Variants in RNF115 observed in about 807,000 individuals in gnomAD.
RNF115 encodes the protein E3 ubiquitin-protein ligase RNF115.
Under a neutral mutation model 39.2 loss-of-function variants are expected in RNF115, and 31 were observed. The observed-to-expected ratio is 0.79, with a 90% CI of 0.59 to 1.07. RNF115 has a LOEUF of 1.07. Ranked by LOEUF, RNF115 falls within the 50% of genes least tolerant of loss-of-function variation. The probability of loss-of-function intolerance (pLI) is 0.00; values close to 1 mark genes in which losing one functional copy is unlikely to be tolerated. For synonymous variants in RNF115, 124 were observed against 131.0 expected, an observed-to-expected ratio of 0.95 and a Z score of 0.37; for missense variants, 384 against 381.7, an observed-to-expected ratio of 1.01 and a Z score of -0.05.
chr1:145,767,119 GCTC>G (rs1168668394), intron 4 of RNF115, among the ~76,000 whole-genome samples: 2 of 150,264 alleles, frequency 1.3e-5, no homozygotes, highest in Non-Finnish European at 3.0e-5. Context: ...CGGCAGAGGG[GCTC>G]CTCACTTCTC....
At chr1:145,747,756 A>G (rs1657928708) in intron 8 of RNF115, among the ~76,000 whole-genome samples, 1 of 152,210 alleles carries the variant, frequency 6.6e-6, no homozygotes, top group African/African-American at 2.4e-5. Flanking sequence ...ACAATCTATA[A>G]CCAAATGAAC....
chr1:145,771,082 T>C (rs1161453434), intron 4 of RNF115, among the ~76,000 whole-genome samples: 1 of 152,240 alleles, frequency 6.6e-6, no homozygotes, highest in Non-Finnish European at 1.5e-5. Context: ...TTGATAAATA[T>C]ACTGCTATAG....
intron 1 of RNF115, among the ~76,000 whole-genome samples, chr1:145,806,790 G>A (rs1649485083): frequency 6.6e-6 from 1 of 152,202 alleles, no homozygotes; most frequent in African/African-American, 2.4e-5. Flanking sequence ...GCAGAGTAAT[G>A]AGCTAAGTAA....
intron 1 of RNF115, 62 bp downstream of exon 1, chr1:145,823,710 T>G (rs1378524167): frequency 1.2e-5 from 15 of 1,293,946 alleles, no homozygotes; most frequent in African/African-American, 1.5e-5. Context: ...CAGACCCAGT[T>G]CCGGGAAATC....
intron 2 of RNF115, among the ~76,000 whole-genome samples, chr1:145,785,549 A>T (rs1179301114): frequency 6.6e-6 from 1 of 152,210 alleles, no homozygotes; most frequent in East Asian, 1.9e-4. Flanking sequence ...GGAAGAGGGG[A>T]TGGAAAGAAT....
In RNF115 at chr1:145,746,784, T is replaced by A; in HGVS notation, c.*82A>T. The A allele has an allele frequency of 7.3e-7, 1 of 1,364,050 alleles. No individual in the cohort carries two copies. Among genetic ancestry groups the A allele is most frequent in the Non-Finnish European group, 1.0e-6 (1 of 984,406 alleles). 84.5% of individuals were successfully genotyped at this position (1,364,050 alleles called of 1,614,324 possible). On this transcript the variant is annotated 3_prime_UTR_variant, in exon 9 of 9. Transcript: ENST00000582693. ...AGTTTCTTACATATTCCTAAATCCA[T>A]CTACTAATTTTTTGTTTTGATACAA...
chr1:145,752,340 G>A (rs1658116727), intron 5 of RNF115, among the ~76,000 whole-genome samples: 1 of 152,046 alleles, frequency 6.6e-6, no homozygotes, highest in African/African-American at 2.4e-5. Context: ...GTAGTCTACT[G>A]GGGAAACCCA....
chr1:145,814,508 G>A (rs1252337773), intron 1 of RNF115, among the ~76,000 whole-genome samples: 1 of 151,358 alleles, frequency 6.6e-6, no homozygotes, highest in Non-Finnish European at 1.5e-5. Flanking sequence ...ACTTGAAACT[G>A]TAAGGCAGAG....
rs983855545 is a variant in RNF115, at chr1:145,788,896, C to T, written c.161+12G>A. ...ATAGAATGTCTGATTTATTCATGAG[C>T]TTGTACAATACCTGGAATCATCTGT... On this transcript the variant is annotated intron_variant, in intron 2 of 8. Transcript: ENST00000582693. 5 of 1,571,428 alleles carry T rather than the reference C, an allele frequency of 3.2e-6. No homozygotes were observed. In the African/African-American group the frequency reaches 6.7e-5, roughly 21 times the overall value.
At chr1:145,756,831 CTTTTTTT>C (rs142073195) in intron 4 of RNF115, among the ~76,000 whole-genome samples, 8 of 67,830 alleles carry the variant, frequency 1.2e-4, no homozygotes, top group South Asian at 5.4e-4. Flanking sequence ...TTTCTAGCTT[CTTTTTTT>C]TTTTTTTTTT....
Position 145,817,614 on chromosome 1 carries a change from G to T in RNF115, c.102+6158C>A, listed in dbSNP as rs1403402979. On this transcript the variant is annotated intron_variant, in intron 1 of 8. Coordinates refer to ENST00000582693, the MANE Select transcript of RNF115 (RefSeq NM_014455.4). ...TTTGTTTTCTACACATATTTTTTTT[G>T]ATTTTAGGTTTGGGGGCACATATGT... Among the ~76,000 whole-genome samples, 27 of 130,428 alleles carry T rather than the reference G, an allele frequency of 2.1e-4. 2 individuals are homozygous for T. The highest frequency in any genetic ancestry group is 4.3e-4 in the East Asian group (2 of 4,690). 85.6% of individuals were successfully genotyped at this position (130,428 alleles called of 152,430 possible). A position where few individuals can be genotyped will look rare whatever the true frequency, so the allele number is the denominator to read the frequency against.
Position 145,791,520 on chromosome 1 carries a change from A to C in RNF115, c.103-2554T>G, listed in dbSNP as rs1648666531. Among the ~76,000 whole-genome samples, 2 of 152,010 alleles carry C rather than the reference A, an allele frequency of 1.3e-5. 1 individual carries two copies. Among genetic ancestry groups the C allele is most frequent in the South Asian group, 4.1e-4 (2 of 4,822 alleles). On this transcript the variant is annotated intron_variant, in intron 1 of 8. Coordinates refer to ENST00000582693, the MANE Select transcript of RNF115 (RefSeq NM_014455.4). ...AGAGCGAAACTCCACCTCAAAAAAAAAAAAAAAGAGAAAGAGAGACATAAA... is the reference window on the plus strand; with the variant it reads ...AGAGCGAAACTCCACCTCAAAAAAACAAAAAAAGAGAAAGAGAGACATAAA...
At chr1:145,801,664 G>A (rs1284151950) in intron 1 of RNF115, among the ~76,000 whole-genome samples, 2 of 152,112 alleles carry the variant, frequency 1.3e-5, no homozygotes, top group Admixed American at 6.6e-5. Context: ...CTATTAATAC[G>A]TCAAGTCTTC....
chr1:145,746,775 C>T lies in RNF115; in HGVS notation c.*91G>A. 1 of 1,300,344 alleles carries T rather than the reference C, an allele frequency of 7.7e-7. No individual in the cohort carries two copies. Among genetic ancestry groups the T allele is most frequent in the Non-Finnish European group, 1.1e-6 (1 of 934,090 alleles). 80.6% of individuals were successfully genotyped at this position (1,300,344 alleles called of 1,614,324 possible). On this transcript the variant is annotated 3_prime_UTR_variant, in exon 9 of 9. Coordinates refer to ENST00000582693, the MANE Select transcript of RNF115 (RefSeq NM_014455.4). Reference sequence around the variant, plus strand: ...TATGTGTTGAGTTTCTTACATATTCCTAAATCCATCTACTAATTTTTTGTT... The same window carrying T: ...TATGTGTTGAGTTTCTTACATATTCTTAAATCCATCTACTAATTTTTTGTT...
rs1222417444 is a variant in RNF115 at position 145,753,110 on chromosome 1, C to T, written c.429-61G>A. 4.5e-6 allele frequency: 5 copies of T among 1,109,430 alleles called. No individual in the cohort carries two copies. In the African/African-American group the frequency reaches 7.8e-5, roughly 17 times the overall value. 68.7% of individuals were successfully genotyped at this position (1,109,430 alleles called of 1,614,324 possible). ...CTAATGAAAAGTACTCTACAGATAT[C>T]CATGGCTGCCTAATCACCAACTAAT... On this transcript the variant is annotated intron_variant, in intron 4 of 8. Coordinates refer to ENST00000582693, the MANE Select transcript of RNF115 (RefSeq NM_014455.4).
chr1:145,803,760 TA>T (rs1439708109), intron 1 of RNF115, among the ~76,000 whole-genome samples: 4 of 152,154 alleles, frequency 2.6e-5, no homozygotes, highest in African/African-American at 9.7e-5. Flanking sequence ...CAGGAGTGCA[TA>T]ATCAACCAAG....
rs1657663846 is a variant in RNF115, at chr1:145,740,688, A to G, written c.*6178T>C. On this transcript the variant is annotated 3_prime_UTR_variant, in exon 9 of 9. Coordinates refer to ENST00000582693, the MANE Select transcript of RNF115 (RefSeq NM_014455.4). ...TTCAGCCTGAATAAATATCTTTCAA[A>G]TATTTGTATATATTTCAATTGGATG... 6.6e-6 allele frequency: 1 copy of G among 152,218 alleles called. No individual in the cohort carries two copies. The highest frequency in any genetic ancestry group is 1.9e-4 in the East Asian group (1 of 5,204). The allele number at this position is 152,218 out of a possible 1,614,324, so 9.4% of individuals were successfully genotyped here.
chr1:145,794,858 A>T (rs1158910029), intron 1 of RNF115, among the ~76,000 whole-genome samples: 1 of 151,810 alleles, frequency 6.6e-6, no homozygotes, highest in Admixed American at 6.6e-5. Flanking sequence ...TCTACTAAAA[A>T]TACAAAAAAT....
intron 1 of RNF115, among the ~76,000 whole-genome samples, chr1:145,818,283 T>C (rs1650078325): frequency 6.6e-6 from 1 of 151,952 alleles, no homozygotes; most frequent in African/African-American, 2.4e-5. Flanking sequence ...TTTCTAATAA[T>C]AGCTATTCTG....
Sources: gnomAD v4.1 joint callset for allele counts (sites outside exome capture counted in the v4.1 genomes callset) on GRCh38, gnomAD v4.1.1 for gene constraint, MANE v1.5 for transcripts, NCBI Gene and HGNC (gene_info 2026-07-23, HGNC 2026-07-21) for gene names.